Variants in ZNF219 observed in about 807,000 individuals in gnomAD.
ZNF219 encodes zinc finger protein 219.
Under a neutral mutation model 54.4 loss-of-function variants are expected in ZNF219, and 17 were observed. The observed-to-expected ratio is 0.31, with a 90% CI of 0.21 to 0.47. The LOEUF is 0.47. ZNF219 is among the 20% of genes least tolerant of loss of function. The probability of loss-of-function intolerance (pLI) is 1.00; values close to 1 mark genes in which losing one functional copy is unlikely to be tolerated. For synonymous variants in ZNF219, 518 were observed against 476.4 expected (o/e 1.09, Z -1.14); for missense variants, 1,014 against 1,062.3 (o/e 0.95, Z 0.63).
At chr14:21,097,798 G>A (rs886540912) in intron 1 of ZNF219, among the ~76,000 whole-genome samples, 3 of 152,124 alleles carry the variant, frequency 2.0e-5, no homozygotes, top group African/African-American at 7.2e-5. Flanking sequence ...GGGACGCAAA[G>A]AGGGAAGCAC....
In ZNF219 at chr14:21,091,460, T is replaced by C. The variant is rs749200215; in HGVS notation, c.1515A>G (p.Lys505=). The part of the protein sequence containing the change: ...ATGKDCPFCG[K]SFRSAHHLKV... Reference sequence around the variant, plus strand: ...TGAGGTGATGTGCTGAGCGGAAAGATTTTCCGCAGAAAGGACAATCCTTGC... The same window carrying C: ...TGAGGTGATGTGCTGAGCGGAAAGACTTTCCGCAGAAAGGACAATCCTTGC... Residue 505 remains lysine, a synonymous_variant, in exon 4 of 5, where the codon AAA becomes AAG. Transcript: ENST00000360947. 9.9e-6 allele frequency: 16 copies of C among 1,609,672 alleles called. No individual in the cohort carries two copies. The highest frequency in any genetic ancestry group is 1.4e-5 in the Non-Finnish European group (16 of 1,176,674).
chr14:21,095,474 C>T (rs942191961), intron 1 of ZNF219, among the ~76,000 whole-genome samples: 6 of 152,218 alleles, frequency 3.9e-5, no homozygotes, highest in African/African-American at 1.4e-4. Context: ...TCCCAGTTTA[C>T]TCATCAGTAA....
upstream of ZNF219, chr14:21,102,682 G>C: frequency 6.4e-7 from 1 of 1,551,590 alleles, no homozygotes; most frequent in Non-Finnish European, 8.7e-7. Context: ...TTCACCCTAG[G>C]GGGAGTGCTG....
At chr14:21,102,112 C>A, upstream of ZNF219, 1 of 1,551,260 alleles carries the variant, frequency 6.4e-7, no homozygotes, top group Non-Finnish European at 8.7e-7. Flanking sequence ...AGCACCCCGC[C>A]TTTGGAAGGT....
At position 21,098,413 on chromosome 14, in the gene ZNF219, A is replaced by C; in HGVS notation, c.-185T>G. ...TCAGCGTTACGTGGGGCCGGGGGAG[A>C]TGCGCCGGGCCCCGGCCCCCCCGCC... On this transcript the variant is annotated 5_prime_UTR_variant, in exon 1 of 5. Coordinates refer to ENST00000360947, the MANE Select transcript of ZNF219 (RefSeq NM_016423.3). 1.9e-6 allele frequency: 1 copy of C among 531,036 alleles called. No individual in the cohort carries two copies. Among genetic ancestry groups the C allele is most frequent in the Non-Finnish European group, 2.3e-6 (1 of 426,164 alleles). 32.9% of individuals were successfully genotyped at this position (531,036 alleles called of 1,614,324 possible). A position where few individuals can be genotyped will look rare whatever the true frequency, so the allele number is the denominator to read the frequency against.
chr14:21,094,907 CTTTTT>C (rs59112788), intron 1 of ZNF219, among the ~76,000 whole-genome samples: 26 of 125,102 alleles, frequency 2.1e-4, no homozygotes, highest in Admixed American at 2.4e-4. Context: ...TGGGTCTAAC[CTTTTT>C]TTTTTTTTTT....
Position 21,092,600 on chromosome 14 carries a change from G to T in ZNF219, c.697C>A (p.Gln233Lys), listed in dbSNP as rs1889005402. 1 of 1,485,774 alleles carries T rather than the reference G, an allele frequency of 6.7e-7. No homozygotes were observed. Among genetic ancestry groups the T allele is most frequent in the East Asian group, 2.5e-5 (1 of 40,376 alleles). 92.0% of individuals were successfully genotyped at this position (1,485,774 alleles called of 1,614,324 possible). A position where few individuals can be genotyped will look rare whatever the true frequency, so the allele number is the denominator to read the frequency against. Residue 233 changes from glutamine to lysine, a missense_variant, in exon 3 of 5, where the codon CAG becomes AAG. Coordinates refer to ENST00000360947, the MANE Select transcript of ZNF219 (RefSeq NM_016423.3). ...SAAPPPQPQP[Q>K]PPPQPEPRSV... is the part of the protein sequence containing the mutation. ...CTGGGTTCGGGCTGGGGTGGAGGCT[G>T]AGGCTGAGGCTGAGGCGGAGGCGCA...
At position 21,092,987 on chromosome 14, in the gene ZNF219, G is replaced by T. The variant is rs1205659518; in HGVS notation, c.310C>A (p.Leu104Met). 1 of 1,597,970 alleles carries T rather than the reference G, an allele frequency of 6.3e-7. No homozygotes were observed. Among genetic ancestry groups the T allele is most frequent in the Admixed American group, 1.7e-5 (1 of 58,980 alleles). ...AAQRALLRSH[L>M]RTHQPERPRS... ...GGGCGCTCGGGCTGGTGTGTGCGCA[G>T]GTGCGAGCGCAGCAGAGCCCGCTGC... Residue 104 changes from leucine to methionine, a missense_variant, in exon 3 of 5, where the codon CTG (leucine) becomes ATG (methionine). By Grantham distance (15) the Leu-to-Met change is conservative (BLOSUM62 2). This residue lies in a region of ZNF219 where 395 missense variants were observed against 415.1 expected (regional missense o/e 0.95). Coordinates refer to ENST00000360947, the MANE Select transcript of ZNF219 (RefSeq NM_016423.3).
chr14:21,093,441 G>T, intron 2 of ZNF219, 145 bp downstream of exon 2: 1 of 1,421,404 alleles, frequency 7.0e-7, no homozygotes, highest in Non-Finnish European at 9.7e-7. Context: ...CGGGAAGATG[G>T]GGTGGGGGGA....
chr14:21,092,998 A>G lies in ZNF219; in HGVS notation c.299T>C (p.Leu100Pro). The G allele has an allele frequency of 6.3e-7, 1 of 1,598,590 alleles. No homozygotes were observed. Among genetic ancestry groups the G allele is most frequent in the Non-Finnish European group, 8.5e-7 (1 of 1,175,534 alleles). ...CTGGTGTGTGCGCAGGTGCGAGCGC[A>G]GCAGAGCCCGCTGCGCCGCGCGGTG... is the stretch of plus-strand genomic sequence containing the variant. ...CGHRAAQRAL[L>P]RSHLRTHQPE... is the part of the protein sequence containing the mutation. Residue 100 changes from leucine (L) to proline (P), a missense_variant, in exon 3 of 5, where the codon CTG (leucine) becomes CCG (proline). Leu to Pro is a moderately conservative substitution (Grantham distance 98). Coordinates refer to ENST00000360947, the MANE Select transcript of ZNF219 (RefSeq NM_016423.3).
In ZNF219 at chr14:21,093,185, C is replaced by G. The variant is rs748792969; in HGVS notation, c.112G>C (p.Gly38Arg). The G allele has an allele frequency of 1.2e-5, 20 of 1,609,076 alleles. No homozygotes were observed. The African/African-American group carries it at 2.7e-4, about 21-fold the overall frequency. ...RYSNGPAVSA[G>R]SLGMGAVSWS... Reference sequence around the variant, plus strand: ...CTCACCGCTCCCATCCCGAGCGACCCTGCGCTCACGGCTGGCCCGTTGGAG... The same window carrying G: ...CTCACCGCTCCCATCCCGAGCGACCGTGCGCTCACGGCTGGCCCGTTGGAG... Residue 38 changes from glycine (G) to arginine (R), a missense_variant, in exon 3 of 5, where the codon GGG (glycine) becomes CGG (arginine). Around this residue, in one of 5 missense-constraint regions of ZNF219, gnomAD observed 395 missense variants for 415.1 expected, o/e 0.95. Coordinates refer to ENST00000360947, the MANE Select transcript of ZNF219 (RefSeq NM_016423.3).
Position 21,092,047 on chromosome 14 carries a change from C to T in ZNF219, c.1250G>A (p.Arg417Gln), listed in dbSNP as rs1191582844. ...CTCCTCCGCACGGTGCCGGCGAGCC[C>T]GGGCCGGGAGAGCAGAGGACAGCGG... is the stretch of plus-strand genomic sequence containing the variant. ...FRPLSSALPA[R>Q]ARRHRAEEPE... The change falls in exon 3 of 5, where the codon CGG (arginine) becomes CAG (glutamine). Residue 417 changes from arginine to glutamine, a missense_variant. By Grantham distance (43) the Arg-to-Gln change is conservative. Transcript: ENST00000360947. 10 of 1,545,398 alleles carry T rather than the reference C, an allele frequency of 6.5e-6. No individual in the cohort carries two copies. In the Admixed American group the frequency reaches 1.2e-4, roughly 18 times the overall value.
chr14:21,096,815 G>C (rs1204639302), intron 1 of ZNF219, among the ~76,000 whole-genome samples: 1 of 152,220 alleles, frequency 6.6e-6, no homozygotes, highest in African/African-American at 2.4e-5. Context: ...GAAACAACAA[G>C]GACAGGTACA....
intron 2 of ZNF219, 144 bp downstream of exon 2, chr14:21,093,442 G>C (rs1889094296): frequency 7.1e-7 from 1 of 1,407,920 alleles, no homozygotes; most frequent in Non-Finnish European, 9.8e-7. Context: ...GGGAAGATGG[G>C]GTGGGGGGAG....
chr14:21,101,832 G>A, upstream of ZNF219: 1 of 1,513,566 alleles, frequency 6.6e-7, no homozygotes, highest in Non-Finnish European at 9.0e-7. Flanking sequence ...ATCCCTGACA[G>A]TTCCTCCCCA....
At chr14:21,094,372 G>A (rs764931955) in intron 1 of ZNF219, 2 of 455,832 alleles carry the variant, frequency 4.4e-6, no homozygotes, top group Non-Finnish European at 8.8e-6. Context: ...CTGGGGAAGG[G>A]GCTAAAAACT....
chr14:21,100,531 T>G (rs888434957), upstream of ZNF219, among the ~76,000 whole-genome samples: 2 of 111,670 alleles, frequency 1.8e-5, no homozygotes, highest in African/African-American at 6.1e-5. Context: ...TTGAGGACCA[T>G]GAGATAGATA....
chr14:21,090,531 G>A lies in ZNF219; in HGVS notation c.*5C>T. ...CTCACTAAGCTAATCGCCCCTGAGG[G>A]CCCACTACCGTTCTTGCCCCCCCAG... is the stretch of plus-strand genomic sequence containing the variant. On this transcript the variant is annotated 3_prime_UTR_variant, in exon 5 of 5. Transcript: ENST00000360947. This position sits in a 1 kb window ranked among gnomAD's most constrained non-coding sequence, Gnocchi z 4.4. 2 of 1,586,042 alleles carry A rather than the reference G, an allele frequency of 1.3e-6. No homozygotes were observed. The highest frequency in any genetic ancestry group is 1.1e-5 in the South Asian group (1 of 89,164).
rs1194075687 is a variant in ZNF219 at position 21,092,936 on chromosome 14, G to A, written c.361C>T (p.Leu121=). The A allele has an allele frequency of 7.6e-6, 12 of 1,571,846 alleles. No homozygotes were observed. The highest frequency in any genetic ancestry group is 2.7e-5 in the African/African-American group (2 of 73,728). ...AGTAGCGCGCGCTCTTCCAACTCCA[G>A]CAACAGGCGTGCAGCAGGACTACGT... The part of the protein sequence containing the change: ...RPRSPAARLL[L]ELEERALLRE... Residue 121 remains leucine (L), a synonymous_variant, in exon 3 of 5, where the codon CTG becomes TTG. Coordinates refer to ENST00000360947, the MANE Select transcript of ZNF219 (RefSeq NM_016423.3).
Sources: gnomAD v4.1 joint callset for allele counts (sites outside exome capture counted in the v4.1 genomes callset) on GRCh38, gnomAD v4.1.1 for gene constraint, gnomAD v4.1.1 regional missense constraint, Gnocchi (gnomAD v3.1) non-coding constraint, MANE v1.5 for transcripts, NCBI Gene and HGNC (gene_info 2026-07-23, HGNC 2026-07-21) for gene names.